Variants in EYS observed in about 807,000 individuals in gnomAD.
EYS encodes protein eyes shut homolog.
Under a neutral mutation model 282.1 loss-of-function variants are expected in EYS, and 250 were observed. That is an observed-to-expected ratio of 0.89 (90% CI 0.80 to 0.98). The LOEUF is 0.98. Among genes scored for constraint, EYS ranks in the 50% least tolerant of loss-of-function variants. EYS has a pLI of 0.00. For missense variants in EYS, 4,016 were observed against 3,709.0 expected (o/e 1.08, Z -2.15); for synonymous variants, 1,355 against 1,282.9 (o/e 1.06, Z -1.20).
intron 11 of EYS, among the ~76,000 whole-genome samples, chr6:65,306,886 C>T (rs1415782905): frequency 7.6e-6 from 1 of 132,058 alleles, no homozygotes; most frequent in African/African-American, 2.7e-5. Context: ...TTGTAGTCTT[C>T]CTCTGGAAAG....
intron 29 of EYS, among the ~76,000 whole-genome samples, chr6:64,345,097 T>A (rs1008157884): frequency 6.6e-6 from 1 of 152,148 alleles, no homozygotes; most frequent in African/African-American, 2.4e-5. Context: ...GTAGGAAGAC[T>A]CAATATCGTG....
intron 5 of EYS, among the ~76,000 whole-genome samples, chr6:65,414,151 A>G (rs1247458211): frequency 6.6e-6 from 1 of 152,186 alleles, no homozygotes; most frequent in East Asian, 1.9e-4. Flanking sequence ...GCAAATGCAA[A>G]GACTTTGAGT....
At chr6:64,990,650 T>C (rs760494895) in intron 14 of EYS, among the ~76,000 whole-genome samples, 9 of 151,614 alleles carry the variant, frequency 5.9e-5, no homozygotes, top group Non-Finnish European at 1.2e-4. Flanking sequence ...GGAAAATTCC[T>C]CTCAGTGATC....
chr6:63,852,917 T>C (rs1191745057), intron 36 of EYS, among the ~76,000 whole-genome samples: 1 of 152,192 alleles, frequency 6.6e-6, no homozygotes, highest in Non-Finnish European at 1.5e-5. Context: ...GAAAAGGCCT[T>C]TGATAAAATT....
chr6:65,020,298 T>G (rs1772209532), intron 13 of EYS, among the ~76,000 whole-genome samples: 2 of 152,160 alleles, frequency 1.3e-5, no homozygotes, highest in African/African-American at 4.8e-5. Flanking sequence ...AGTTAGTTAC[T>G]TCCTAGATAC....
intron 10 of EYS, among the ~76,000 whole-genome samples, chr6:65,336,118 T>TGG (rs1465703412): frequency 2.6e-5 from 4 of 151,774 alleles, no homozygotes; most frequent in Non-Finnish European, 5.9e-5. Context: ...GTAGAGCCTG[T>TGG]GGAACTGTGT....
At chr6:64,683,086 T>C (rs1357743559) in intron 22 of EYS, among the ~76,000 whole-genome samples, 2 of 152,250 alleles carry the variant, frequency 1.3e-5, no homozygotes, top group Non-Finnish European at 2.9e-5. Context: ...CTTTAGCTGC[T>C]GTACACTCTA....
At chr6:65,500,383 T>C (rs1006136440) in intron 2 of EYS, among the ~76,000 whole-genome samples, 1 of 152,038 alleles carries the variant, frequency 6.6e-6, no homozygotes, top group African/African-American at 2.4e-5. Context: ...GTTTTCAGAA[T>C]TTTTAGAGTT....
chr6:65,223,422 A>G, intron 12 of EYS, among the ~76,000 whole-genome samples: 1 of 152,152 alleles, frequency 6.6e-6, no homozygotes, highest in East Asian at 1.9e-4. Context: ...AATATTAACA[A>G]GAGAACATAT....
intron 22 of EYS, among the ~76,000 whole-genome samples, chr6:64,712,689 C>T (rs1583069946): frequency 6.6e-6 from 1 of 152,294 alleles, no homozygotes; most frequent in South Asian, 2.1e-4. Context: ...ACAAAGGCAA[C>T]CCCTTAATTA....
intron 11 of EYS, among the ~76,000 whole-genome samples, chr6:65,332,812 A>G (rs1289863188): frequency 1.3e-5 from 2 of 151,380 alleles, no homozygotes; most frequent in African/African-American, 4.8e-5. Context: ...TACTGATTCA[A>G]TCTTTTTACT....
chr6:64,649,960 T>C (rs917131301), intron 22 of EYS, among the ~76,000 whole-genome samples: 4 of 152,084 alleles, frequency 2.6e-5, no homozygotes, highest in African/African-American at 9.7e-5. Context: ...CTCAAAGAAA[T>C]TTTAATAATT....
intron 12 of EYS, among the ~76,000 whole-genome samples, chr6:65,147,393 A>G (rs911517179): frequency 1.3e-5 from 2 of 151,992 alleles, no homozygotes; most frequent in Non-Finnish European, 2.9e-5. Flanking sequence ...TATAAGAGGG[A>G]TATTAGAATT....
chr6:64,044,730 T>A (rs530014133), intron 33 of EYS, among the ~76,000 whole-genome samples: 12 of 152,332 alleles, frequency 7.9e-5, no homozygotes, highest in Non-Finnish European at 1.5e-4. Flanking sequence ...TTGAGTGATT[T>A]TTTTTTACTT....
intron 2 of EYS, among the ~76,000 whole-genome samples, chr6:65,513,117 A>G (rs1257496138): frequency 6.6e-6 from 1 of 152,188 alleles, no homozygotes; most frequent in East Asian, 1.9e-4. Context: ...TATCACCACC[A>G]ATCCCACACA....
intron 5 of EYS, among the ~76,000 whole-genome samples, chr6:65,426,455 G>A (rs1334417985): frequency 1.3e-5 from 2 of 151,968 alleles, no homozygotes; most frequent in African/African-American, 4.8e-5. Context: ...AAAAAACACT[G>A]AATGAATGAG....
intron 12 of EYS, among the ~76,000 whole-genome samples, chr6:65,119,053 G>A (rs1009671548): frequency 6.6e-6 from 1 of 152,054 alleles, no homozygotes; most frequent in Non-Finnish European, 1.5e-5. Flanking sequence ...AATGGAAATG[G>A]AATGAGGGGA....
At chr6:63,824,937 T>C (rs998844915) in intron 36 of EYS, among the ~76,000 whole-genome samples, 1 of 152,186 alleles carries the variant, frequency 6.6e-6, no homozygotes, top group Non-Finnish European at 1.5e-5. Context: ...CCAATCCCGC[T>C]TGCAGAGTTC....
At chr6:64,299,673 CTG>C (rs1769166398) in intron 30 of EYS, among the ~76,000 whole-genome samples, 1 of 152,226 alleles carries the variant, frequency 6.6e-6, no homozygotes, top group African/African-American at 2.4e-5. Context: ...ATTGAAACAG[CTG>C]CTTAAAGCTG....
Sources: allele counts gnomAD v4.1 joint callset (sites outside exome capture counted in the v4.1 genomes callset), GRCh38; gene constraint gnomAD v4.1.1; transcripts MANE v1.5; gene names NCBI Gene and HGNC (gene_info 2026-07-23, HGNC 2026-07-21).